SLC7A9: variants seen among roughly 807,000 people sequenced by gnomAD.
The protein encoded by SLC7A9 is solute carrier family 7 member 9.
Under a neutral mutation model 54.1 loss-of-function variants are expected in SLC7A9, and 38 were observed. The ratio of observed to expected loss-of-function variants is 0.70; its 90% CI spans 0.54 to 0.92. SLC7A9 has a LOEUF of 0.92. SLC7A9 is among the 40% of genes least tolerant of loss of function. SLC7A9 has a pLI of 0.00. For missense variants in SLC7A9, 537 were observed against 636.1 expected (o/e 0.84, Z 1.68); for synonymous variants, 264 against 258.9 (o/e 1.02, Z -0.19).
intron 9 of SLC7A9, among the ~76,000 whole-genome samples, chr19:32,854,748 CCA>C (rs1460683424): frequency 6.6e-6 from 1 of 152,106 alleles, no homozygotes; most frequent in Non-Finnish European, 1.5e-5. Context: ...CCACCATGCC[CCA>C]CTAATTTTTG....
At chr19:32,854,351 C>T (rs1324237125) in intron 9 of SLC7A9, among the ~76,000 whole-genome samples, 1 of 151,972 alleles carries the variant, frequency 6.6e-6, no homozygotes, top group Non-Finnish European at 1.5e-5. Flanking sequence ...AGAGTCTTCC[C>T]CCAGTTGATC....
intron 2 of SLC7A9, 120 bp from the exon 3 acceptor site, chr19:32,864,896 CT>C (rs1277734878): frequency 3.0e-6 from 4 of 1,341,424 alleles, no homozygotes; most frequent in Non-Finnish European, 4.3e-6. Flanking sequence ...GTCCCAGGCG[CT>C]TCCACCCTGA....
At chr19:32,855,198 A>G (rs1968582623) in intron 9 of SLC7A9, among the ~76,000 whole-genome samples, 1 of 152,266 alleles carries the variant, frequency 6.6e-6, no homozygotes, top group African/African-American at 2.4e-5. Context: ...AGCCAGACAC[A>G]GAAAGACAAA....
intron 12 of SLC7A9, chr19:32,831,198 C>CAA (rs764102535): frequency 6.5e-5 from 6 of 92,532 alleles, no homozygotes; most frequent in African/African-American, 1.3e-4. Context: ...ACTAAAAATA[C>CAA]AAAAAAAAAA....
At chr19:32,845,994 ACT>A (rs1383971073) in intron 9 of SLC7A9, among the ~76,000 whole-genome samples, 2 of 152,122 alleles carry the variant, frequency 1.3e-5, no homozygotes, top group Non-Finnish European at 2.9e-5. Context: ...ACAGAGTGAG[ACT>A]CTGTCTCAAA....
intron 11 of SLC7A9, among the ~76,000 whole-genome samples, chr19:32,837,940 T>C (rs1968012518): frequency 1.3e-5 from 2 of 152,060 alleles, no homozygotes; most frequent in South Asian, 4.1e-4. Context: ...AAGCAAAAAA[T>C]AGCAATGACA....
In SLC7A9 at chr19:32,868,603, G is replaced by T; in HGVS notation, c.-69C>A. ...GCTAAATCTTGGTTCAGCAGCAGCA[G>T]ACAAGACGCAAGTGCAAGCTCGGCC... On this transcript the variant is annotated 5_prime_UTR_variant, in exon 2 of 13. The change creates a new upstream start codon in the 5' untranslated region. Coordinates refer to ENST00000023064, the MANE Select transcript of SLC7A9 (RefSeq NM_014270.5). 7.4e-7 allele frequency: 1 copy of T among 1,355,138 alleles called. No individual in the cohort carries two copies. Among genetic ancestry groups the T allele is most frequent in the Non-Finnish European group, 1.1e-6 (1 of 944,670 alleles). The allele number at this position is 1,355,138 out of a possible 1,614,324, so 83.9% of individuals were successfully genotyped here. A position where few individuals can be genotyped will look rare whatever the true frequency, so the allele number is the denominator to read the frequency against.
chr19:32,833,535 C>T (rs1967869619), intron 11 of SLC7A9, among the ~76,000 whole-genome samples: 1 of 152,162 alleles, frequency 6.6e-6, no homozygotes, highest in African/African-American at 2.4e-5. Flanking sequence ...TGGGTGCTCA[C>T]ACCTGTAATC....
chr19:32,850,770 A>G (rs1303350006), intron 9 of SLC7A9, among the ~76,000 whole-genome samples: 40 of 152,232 alleles, frequency 2.6e-4, no homozygotes, highest in Admixed American at 2.6e-3. Context: ...CTGACTTCAA[A>G]CTATACTACA....
Position 32,842,246 on chromosome 19 carries a change from T to A in SLC7A9, c.1146A>T (p.Ala382=), listed in dbSNP as rs769003891. ...GAATCGTCAGGCCATAAAACAGCCATGCGGCAAAGCTGAAATAATTGACTA... is the reference window on the plus strand; with the variant it reads ...GAATCGTCAGGCCATAAAACAGCCAAGCGGCAAAGCTGAAATAATTGACTA... ...NSLVNYFSFA[A]WLFYGLTILG... Residue 382 remains alanine, a synonymous_variant, in exon 11 of 13, where the codon GCA becomes GCT. Coordinates refer to ENST00000023064, the MANE Select transcript of SLC7A9 (RefSeq NM_014270.5). 1.2e-6 allele frequency: 2 copies of A among 1,614,104 alleles called. No individual in the cohort carries two copies. The highest frequency in any genetic ancestry group is 1.7e-6 in the Non-Finnish European group (2 of 1,179,976).
chr19:32,837,625 G>T (rs956756700), intron 11 of SLC7A9, among the ~76,000 whole-genome samples: 1 of 151,750 alleles, frequency 6.6e-6, no homozygotes, highest in Non-Finnish European at 1.5e-5. Context: ...AATTTTTGGT[G>T]ACCAAACAGT....
Position 32,860,014 on chromosome 19 carries a change from C to T in SLC7A9, c.750-50G>A, listed in dbSNP as rs202041433. 6.0e-5 allele frequency: 97 copies of T among 1,613,784 alleles called. No homozygotes were observed. In the East Asian group the frequency reaches 7.1e-4, roughly 12 times the overall value. ...CCCACGTTCAGACCACAGCCTCCCGCGGAAGATGGACGCCCTCCCTGAGGC... is the reference window on the plus strand; with the variant it reads ...CCCACGTTCAGACCACAGCCTCCCGTGGAAGATGGACGCCCTCCCTGAGGC... On this transcript the variant is annotated intron_variant, in intron 7 of 12. Transcript: ENST00000023064.
At chr19:32,841,606 G>A (rs1968128773) in intron 11 of SLC7A9, among the ~76,000 whole-genome samples, 1 of 152,026 alleles carries the variant, frequency 6.6e-6, no homozygotes, top group African/African-American at 2.4e-5. Context: ...AAATATATGT[G>A]CGAGAGATAT....
Position 32,833,141 on chromosome 19 carries a change from G to T in SLC7A9, c.1399+8C>A, listed in dbSNP as rs1555780884. 14 of 1,613,972 alleles carry T rather than the reference G, an allele frequency of 8.7e-6. No individual in the cohort carries two copies. Among genetic ancestry groups the T allele is most frequent in the South Asian group, 5.5e-5 (5 of 91,076 alleles). ...CAGAGGCCAAGCGGCCCTTCTGTTG[G>T]TACTTACTTGAGATTTTCTGAGCCC... is the stretch of plus-strand genomic sequence containing the variant. On this transcript the variant is annotated splice_region_variant and intron_variant, in intron 12 of 12. Coordinates refer to ENST00000023064, the MANE Select transcript of SLC7A9 (RefSeq NM_014270.5).
At position 32,858,514 on chromosome 19, in the gene SLC7A9, A is replaced by T. The variant is rs774424761; in HGVS notation, c.903T>A (p.Ala301=). Residue 301 remains alanine (A), a synonymous_variant, in exon 9 of 13, where the codon GCT becomes GCA. Coordinates refer to ENST00000023064, the MANE Select transcript of SLC7A9 (RefSeq NM_014270.5). The part of the protein sequence containing the change: ...VTFGDRVLYP[A]SWIVPLFVAF... The stretch of plus-strand genomic sequence containing the variant: ...CCACAAAAAGTGGAACGATCCAAGA[A>T]GCAGGATAGAGAACACGGTCACCAA... 2 of 1,613,266 alleles carry T rather than the reference A, an allele frequency of 1.2e-6. No individual in the cohort carries two copies. The highest frequency in any genetic ancestry group is 1.7e-6 in the Non-Finnish European group (2 of 1,179,822).
chr19:32,833,007 G>A (rs905626788), intron 12 of SLC7A9, 142 bp downstream of exon 12: 9 of 820,384 alleles, frequency 1.1e-5, no homozygotes, highest in East Asian at 2.4e-5. Context: ...CAGTGAGGGC[G>A]TGGGCATGTG....
chr19:32,852,511 C>T (rs550226741), intron 9 of SLC7A9, among the ~76,000 whole-genome samples: 2 of 152,144 alleles, frequency 1.3e-5, no homozygotes, highest in East Asian at 3.9e-4. Context: ...AACAAAAACC[C>T]TAAATCAAGA....
At chr19:32,867,807 T>C (rs1265295255) in intron 2 of SLC7A9, among the ~76,000 whole-genome samples, 1 of 149,776 alleles carries the variant, frequency 6.7e-6, no homozygotes, top group Non-Finnish European at 1.5e-5. Flanking sequence ...TAGCCAGGCG[T>C]AGTGGCACAT....
rs1555781352 is a variant in SLC7A9, at chr19:32,835,913, G to GTA, written c.1225-2591_1225-2590insTA. Among the ~76,000 whole-genome samples, 12 of 49,478 alleles carry GTA rather than the reference G, an allele frequency of 2.4e-4. No homozygotes were observed. In the East Asian group the frequency reaches 6.6e-3, roughly 27 times the overall value. 32.5% of individuals were successfully genotyped at this position (49,478 alleles called of 152,430 possible). On this transcript the variant is annotated intron_variant, in intron 11 of 12. Transcript: ENST00000023064. ...ACTGTGTGTGTGTGTGTGTGTGTAT[G>GTA]TGTGTGTGTGTGTGTGTGTGTGTCC...
Sources: allele counts gnomAD v4.1 joint callset (sites outside exome capture counted in the v4.1 genomes callset), GRCh38; gene constraint gnomAD v4.1.1; transcripts MANE v1.5; gene names NCBI Gene and HGNC (gene_info 2026-07-23, HGNC 2026-07-21).